The following WDTC1 variants were observed in gnomAD, a reference collection of about 807,000 sequenced individuals.
WDTC1 encodes WD and tetratricopeptide repeats protein 1.
In WDTC1, 12 loss-of-function variants were observed where a neutral mutation model predicts 76.0. The observed-to-expected ratio is 0.16, with a 90% CI of 0.10 to 0.26. The LOEUF is 0.26. Ranked by LOEUF, WDTC1 falls within the 10% of genes least tolerant of loss-of-function variation. The pLI is 1.00. For missense variants in WDTC1, 511 were observed against 908.8 expected, an observed-to-expected ratio of 0.56 and a Z score of 5.63; for synonymous variants, 326 against 350.8, an observed-to-expected ratio of 0.93 and a Z score of 0.79.
intron 3 of WDTC1, among the ~76,000 whole-genome samples, chr1:27,272,474 G>T (rs1244991103): frequency 6.6e-6 from 1 of 152,144 alleles, no homozygotes; most frequent in Non-Finnish European, 1.5e-5. Flanking sequence ...GCTCTACTTA[G>T]TAGATTTGTC....
chr1:27,304,018 A>G, intron 14 of WDTC1: 2 of 536,022 alleles, frequency 3.7e-6, no homozygotes, highest in Non-Finnish European at 6.4e-6. Flanking sequence ...TAATAAGATA[A>G]CCCAAGTAGA....
chr1:27,290,509 C>T (rs1443115906), intron 6 of WDTC1, among the ~76,000 whole-genome samples: 3 of 152,208 alleles, frequency 2.0e-5, no homozygotes, highest in South Asian at 2.1e-4. Flanking sequence ...CCCAGCACAG[C>T]GCCTGGCACA....
chr1:27,301,596 G>A lies in WDTC1; in HGVS notation c.1468+135G>A. The A allele has an allele frequency of 5.0e-6, 5 of 994,060 alleles. No individual in the cohort carries two copies. Among genetic ancestry groups the A allele is most frequent in the African/African-American group, 3.2e-5 (2 of 62,000 alleles). 61.6% of individuals were successfully genotyped at this position (994,060 alleles called of 1,614,324 possible). A position where few individuals can be genotyped will look rare whatever the true frequency, so the allele number is the denominator to read the frequency against. On this transcript the variant is annotated intron_variant, in intron 13 of 15. Transcript: ENST00000319394. The surrounding 1 kb of genome is among the most constrained non-coding windows in gnomAD (Gnocchi z 5.8). Reference sequence around the variant, plus strand: ...GATTCAGAAACCATGCAACTTTGGGGCAGTTACTTGGTGTCTCTCTCAGAG... The same window carrying A: ...GATTCAGAAACCATGCAACTTTGGGACAGTTACTTGGTGTCTCTCTCAGAG...
At chr1:27,263,048 T>C in intron 2 of WDTC1, 104 bp from the exon 3 acceptor site, 1 of 1,230,256 alleles carries the variant, frequency 8.1e-7, no homozygotes, top group Non-Finnish European at 1.2e-6. Flanking sequence ...TGTTGTCTTC[T>C]TTAGCTCCTG....
At chr1:27,304,948 A>G in intron 14 of WDTC1, 53 bp from the exon 15 acceptor site, 1 of 1,547,180 alleles carries the variant, frequency 6.5e-7, no homozygotes, top group Non-Finnish European at 8.8e-7. Context: ...CCTCTACTTG[A>G]GGCTGTAGGG....
Position 27,281,815 on chromosome 1 carries a change from C to T in WDTC1, c.133-424C>T, listed in dbSNP as rs563439124. On this transcript the variant is annotated intron_variant, in intron 3 of 15. Transcript: ENST00000319394. ...GTGTTGCCCAGGTTGATTACAACTCCTGAGCTCAAGCAATCTGCCCAAAGC... is the reference window on the plus strand; with the variant it reads ...GTGTTGCCCAGGTTGATTACAACTCTTGAGCTCAAGCAATCTGCCCAAAGC... Among the ~76,000 whole-genome samples, 191 of 152,222 alleles carry T rather than the reference C, an allele frequency of 1.3e-3. 2 individuals carry two copies. Among genetic ancestry groups the T allele is most frequent in the African/African-American group, 4.6e-3 (189 of 41,532 alleles).
At chr1:27,282,591 C>T (rs1350989070) in intron 4 of WDTC1, among the ~76,000 whole-genome samples, 1 of 152,048 alleles carries the variant, frequency 6.6e-6, no homozygotes, top group Non-Finnish European at 1.5e-5. Context: ...CAACCTCCGC[C>T]TTTCAGGTTC....
chr1:27,253,440 T>TCCC (rs1255180226), intron 1 of WDTC1, among the ~76,000 whole-genome samples: 2 of 114,574 alleles, frequency 1.7e-5, no homozygotes, highest in African/African-American at 6.7e-5. Flanking sequence ...CTCCTCCTCC[T>TCCC]TCCTCCTCCT....
At chr1:27,234,456 C>A, upstream of WDTC1, 1 of 269,512 alleles carries the variant, frequency 3.7e-6, no homozygotes, top group Non-Finnish European at 7.0e-6. Context: ...GTGCGGGGCT[C>A]CCCCACTAGC....
Position 27,303,371 on chromosome 1 carries a change from T to C in WDTC1, c.1469-250T>C, listed in dbSNP as rs2013876997. Among the ~76,000 whole-genome samples, 1 of 152,166 alleles carries C rather than the reference T, an allele frequency of 6.6e-6. No individual in the cohort carries two copies. Among genetic ancestry groups the C allele is most frequent in the South Asian group, 2.1e-4 (1 of 4,830 alleles). On this transcript the variant is annotated intron_variant, in intron 13 of 15. Transcript: ENST00000319394. The surrounding 1 kb of genome is among the most constrained non-coding windows in gnomAD (Gnocchi z 4.8). The stretch of plus-strand genomic sequence containing the variant: ...CTTTGAGTCTCTGCATCTTTGGGGC[T>C]TTCAGGCCCTCATTTAGGGACCTGA...
At chr1:27,288,180 C>T (rs896276462) in intron 6 of WDTC1, among the ~76,000 whole-genome samples, 8 of 152,090 alleles carry the variant, frequency 5.3e-5, no homozygotes, top group Non-Finnish European at 1.2e-4. Context: ...CAGCTCTTCC[C>T]ATGTCGGACT....
chr1:27,296,583 A>G (rs754284258), intron 10 of WDTC1, among the ~76,000 whole-genome samples, 182 bp downstream of exon 10: 22 of 152,136 alleles, frequency 1.4e-4, no homozygotes, highest in Admixed American at 1.2e-3. Flanking sequence ...TCTCTTCAAG[A>G]GCTTTGCATC....
chr1:27,280,959 A>ATTTTT (rs1456616519), intron 3 of WDTC1, among the ~76,000 whole-genome samples: 3 of 150,712 alleles, frequency 2.0e-5, no homozygotes, highest in African/African-American at 7.3e-5. Context: ...TCTTTTTCTT[A>ATTTTT]TTTTTATTTT....
chr1:27,301,316 C>A lies in WDTC1; in HGVS notation c.1323C>A (p.Arg441=). ...TGAAGGCACACTTTCGCCTGGCCCG[C>A]TGCCTCTTTGAGCTCAAGTATGTGG... ...CHLKAHFRLA[R]CLFELKYVAE... is the part of the protein sequence containing the mutation. The change falls in exon 13 of 16, where the codon CGC becomes CGA. Residue 441 remains arginine, a synonymous_variant. Coordinates refer to ENST00000319394, the MANE Select transcript of WDTC1 (RefSeq NM_001276252.2). This position sits in a 1 kb window ranked among gnomAD's most constrained non-coding sequence, Gnocchi z 5.8. 1 of 1,614,246 alleles carries A rather than the reference C, an allele frequency of 6.2e-7. No homozygotes were observed. Among genetic ancestry groups the A allele is most frequent in the Non-Finnish European group, 8.5e-7 (1 of 1,180,044 alleles).
chr1:27,234,953 T>G lies in WDTC1; in HGVS notation c.-100+2T>G. 1 of 387,034 alleles carries G rather than the reference T, an allele frequency of 2.6e-6. No homozygotes were observed. Among genetic ancestry groups the G allele is most frequent in the Non-Finnish European group, 4.6e-6 (1 of 218,636 alleles). The allele number at this position is 387,034 out of a possible 1,614,324, so 24.0% of individuals were successfully genotyped here. ...CGGTCGGGGGAAGAGACCTGACAGG[T>G]ACGGGTCACCGCCGCCCCCTGCCCT... On this transcript the variant is annotated splice_donor_variant, in intron 1 of 15. Coordinates refer to ENST00000319394, the MANE Select transcript of WDTC1 (RefSeq NM_001276252.2). LOFTEE classifies it low-confidence loss of function (5UTR_SPLICE).
chr1:27,260,007 A>G (rs2012423623), intron 1 of WDTC1, among the ~76,000 whole-genome samples: 1 of 152,180 alleles, frequency 6.6e-6, no homozygotes. Flanking sequence ...ACTGCACTGC[A>G]GCCTGGGTGA....
chr1:27,306,079 C>A lies in WDTC1; in HGVS notation c.1837-107C>A. On this transcript the variant is annotated intron_variant, in intron 15 of 15. Coordinates refer to ENST00000319394, the MANE Select transcript of WDTC1 (RefSeq NM_001276252.2). This position sits in a 1 kb window ranked among gnomAD's most constrained non-coding sequence, Gnocchi z 5.0. The stretch of plus-strand genomic sequence containing the variant: ...CTCCTGGCATGTATGTGTACCTCCC[C>A]CTATAGATAGTTTAGTCTGTGTATT... 1.6e-6 allele frequency: 2 copies of A among 1,266,032 alleles called. No individual in the cohort carries two copies. The allele number at this position is 1,266,032 out of a possible 1,614,324, so 78.4% of individuals were successfully genotyped here.
Position 27,301,200 on chromosome 1 carries a change from C to G in WDTC1, c.1233-26C>G. ...CTTGCTTGCCACGTGGCTCCACCTC[C>G]AAGCCGCTCTTCCCTGCCTTCCCAG... On this transcript the variant is annotated intron_variant, in intron 12 of 15. Coordinates refer to ENST00000319394, the MANE Select transcript of WDTC1 (RefSeq NM_001276252.2). This position sits in a 1 kb window ranked among gnomAD's most constrained non-coding sequence, Gnocchi z 5.8. 6.2e-7 allele frequency: 1 copy of G among 1,608,738 alleles called. No individual in the cohort carries two copies. The highest frequency in any genetic ancestry group is 8.5e-7 in the Non-Finnish European group (1 of 1,176,478).
intron 1 of WDTC1, among the ~76,000 whole-genome samples, chr1:27,255,228 T>G (rs1397403253): frequency 6.6e-6 from 1 of 152,160 alleles, no homozygotes; most frequent in Non-Finnish European, 1.5e-5. Flanking sequence ...GAATAAGTCA[T>G]GGCAATTTAG....
Sources: allele counts gnomAD v4.1 joint callset (sites outside exome capture counted in the v4.1 genomes callset), GRCh38; gene constraint gnomAD v4.1.1; non-coding constraint Gnocchi (gnomAD v3.1); transcripts MANE v1.5; gene names NCBI Gene and HGNC (gene_info 2026-07-23, HGNC 2026-07-21).